SND1: variants seen among roughly 807,000 people sequenced by gnomAD.
SND1 encodes the protein staphylococcal nuclease domain-containing protein 1.
A neutral mutation model predicts 121.7 loss-of-function variants in SND1; 38 were observed. That is an observed-to-expected ratio of 0.31 (90% confidence interval 0.24 to 0.41). The LOEUF is 0.41. Ranked by LOEUF, SND1 falls within the 10% of genes least tolerant of loss-of-function variation. The pLI, the probability that SND1 is intolerant of heterozygous loss-of-function variation, is 1.00. For synonymous variants in SND1, 401 were observed against 447.4 expected, an observed-to-expected ratio of 0.90 and a Z score of 1.31; for missense variants, 868 against 1,184.6, an observed-to-expected ratio of 0.73 and a Z score of 3.92.
intron 10 of SND1, among the ~76,000 whole-genome samples, chr7:127,783,115 C>T (rs1395077736): frequency 6.6e-6 from 1 of 152,132 alleles, no homozygotes; most frequent in African/African-American, 2.4e-5. Context: ...TTATCACATG[C>T]CTTCTGAGGA....
intron 10 of SND1, among the ~76,000 whole-genome samples, chr7:127,738,510 C>T (rs369118811): frequency 3.3e-5 from 5 of 152,124 alleles, no homozygotes; most frequent in East Asian, 3.9e-4. Context: ...AACTCCTGAC[C>T]TCAGGTGATC....
At position 127,936,576 on chromosome 7, in the gene SND1, C is replaced by T. The variant is rs551281619; in HGVS notation, c.1669+7247C>T. ...TTGTTTCTTTTCTTGGAGACAGGGTCTTACTCTGTTGCCCAGGCTACAGTG... is the reference window on the plus strand; with the variant it reads ...TTGTTTCTTTTCTTGGAGACAGGGTTTTACTCTGTTGCCCAGGCTACAGTG... On this transcript the variant is annotated intron_variant, in intron 15 of 23. Transcript: ENST00000354725. Among the ~76,000 whole-genome samples, 3 of 152,216 alleles carry T rather than the reference C, an allele frequency of 2.0e-5. No individual in the cohort carries two copies. The East Asian group carries it at 5.8e-4, about 29-fold the overall frequency.
rs1669794250 is a variant in SND1 at position 128,029,337 on chromosome 7, G to A, written c.1779+38281G>A. The A allele has an allele frequency of 1.2e-6, 2 of 1,614,186 alleles. No homozygotes were observed. Among genetic ancestry groups the A allele is most frequent in the South Asian group, 2.2e-5 (2 of 91,076 alleles). On this transcript the variant is annotated intron_variant, in intron 16 of 23. Coordinates refer to ENST00000354725, the MANE Select transcript of SND1 (RefSeq NM_014390.4). This position sits in a 1 kb window ranked among gnomAD's most constrained non-coding sequence, Gnocchi z 4.2. ...CGTGCTCACATTGAGGTAGGCCGAG[G>A]CGTTGGAGTTGCCTGCAACATTGGT...
chr7:127,708,808 T>C (rs541774346), intron 9 of SND1, among the ~76,000 whole-genome samples: 5 of 152,330 alleles, frequency 3.3e-5, no homozygotes, highest in African/African-American at 9.6e-5. Flanking sequence ...CAAGAGATGC[T>C]AGAAGTTTTG....
chr7:127,944,216 C>A (rs1168290455), intron 15 of SND1, among the ~76,000 whole-genome samples: 1 of 152,208 alleles, frequency 6.6e-6, no homozygotes, highest in Non-Finnish European at 1.5e-5. Context: ...CTGCAGCCAG[C>A]GTGTCTCTAA....
At chr7:127,678,423 G>C (rs974197609) in intron 1 of SND1, among the ~76,000 whole-genome samples, 1 of 152,180 alleles carries the variant, frequency 6.6e-6, no homozygotes, top group Non-Finnish European at 1.5e-5. Flanking sequence ...GCAGCAACTT[G>C]TGCTTGTACC....
intron 10 of SND1, among the ~76,000 whole-genome samples, chr7:127,739,040 C>G (rs138132089): frequency 6.6e-6 from 1 of 152,102 alleles, no homozygotes; most frequent in Non-Finnish European, 1.5e-5. Context: ...TAGCTTGGAG[C>G]GACATTGGCT....
At chr7:127,884,394 G>C (rs902059583) in intron 12 of SND1, among the ~76,000 whole-genome samples, 1 of 152,140 alleles carries the variant, frequency 6.6e-6, no homozygotes, top group African/African-American at 2.4e-5. Flanking sequence ...ATAATAGACT[G>C]ACAGCCCAGC....
Position 127,980,477 on chromosome 7 carries a change from C to A in SND1, c.1670-10470C>A, listed in dbSNP as rs374741214. On this transcript the variant is annotated intron_variant, in intron 15 of 23. Transcript: ENST00000354725. ...AGGACTCTTGCTAAGAGTTTCTCAGCCCAGAGGTTTTTTTTATTCATGCTC... is the reference window on the plus strand; with the variant it reads ...AGGACTCTTGCTAAGAGTTTCTCAGACCAGAGGTTTTTTTTATTCATGCTC... Among the ~76,000 whole-genome samples, 41 of 152,202 alleles carry A rather than the reference C, an allele frequency of 2.7e-4. No homozygotes were observed. The East Asian group carries it at 7.7e-3, about 29-fold the overall frequency.
Position 127,786,885 on chromosome 7 carries a change from G to A in SND1, c.1153-20599G>A, listed in dbSNP as rs578144254. Reference sequence around the variant, plus strand: ...TCTCGATCTCCTAACCTCGTGATCCGCCCATCTCGGCCTCCCAAAGTGCTG... The same window carrying A: ...TCTCGATCTCCTAACCTCGTGATCCACCCATCTCGGCCTCCCAAAGTGCTG... On this transcript the variant is annotated intron_variant, in intron 10 of 23. Coordinates refer to ENST00000354725, the MANE Select transcript of SND1 (RefSeq NM_014390.4). Among the ~76,000 whole-genome samples, 35 of 152,228 alleles carry A rather than the reference G, an allele frequency of 2.3e-4. 1 individual carries two copies. The highest frequency in any genetic ancestry group is 8.3e-4 in the South Asian group (4 of 4,824).
intron 14 of SND1, among the ~76,000 whole-genome samples, chr7:127,924,894 A>G (rs904908171): frequency 7.2e-5 from 11 of 152,232 alleles, no homozygotes; most frequent in African/African-American, 2.2e-4. Flanking sequence ...CTGACAAGCC[A>G]GAAGTCAGGG....
chr7:127,937,752 G>A (rs1191845553), intron 15 of SND1, among the ~76,000 whole-genome samples: 1 of 152,224 alleles, frequency 6.6e-6, no homozygotes, highest in African/African-American at 2.4e-5. Context: ...CTAATGAGAG[G>A]AGGGAAGGGA....
intron 1 of SND1, among the ~76,000 whole-genome samples, chr7:127,655,910 T>C (rs1325605664): frequency 1.3e-5 from 2 of 152,202 alleles, no homozygotes; most frequent in Non-Finnish European, 2.9e-5. Context: ...TCTGTGCTTA[T>C]CAGAAGCAGC....
chr7:128,064,798 A>G (rs2117038451), intron 16 of SND1, among the ~76,000 whole-genome samples: 1 of 152,368 alleles, frequency 6.6e-6, no homozygotes, highest in Middle Eastern at 3.4e-3. Flanking sequence ...AGCAGGGAGA[A>G]AAAGCCAAGA....
chr7:127,977,228 A>C (rs1584710284), intron 15 of SND1, among the ~76,000 whole-genome samples: 1 of 152,250 alleles, frequency 6.6e-6, no homozygotes, highest in Non-Finnish European at 1.5e-5. Context: ...TTCAGTTTGA[A>C]GATTCACTTC....
At chr7:127,829,832 T>G (rs1798707822) in intron 11 of SND1, among the ~76,000 whole-genome samples, 1 of 152,206 alleles carries the variant, frequency 6.6e-6, no homozygotes, top group South Asian at 2.1e-4. Context: ...TACAGAATTT[T>G]TATAGGGATC....
chr7:127,883,488 T>C (rs1022541774), intron 12 of SND1, among the ~76,000 whole-genome samples: 2 of 152,138 alleles, frequency 1.3e-5, no homozygotes, highest in Non-Finnish European at 2.9e-5. Context: ...TATAGAAAAG[T>C]TGCACATAAC....
chr7:128,048,550 G>A (rs1236452367), intron 16 of SND1, among the ~76,000 whole-genome samples: 1 of 152,192 alleles, frequency 6.6e-6, no homozygotes, highest in Admixed American at 6.5e-5. Context: ...ATTGGAAAGA[G>A]TGGGATGAAC....
At chr7:127,873,462 A>C (rs541378727) in intron 12 of SND1, among the ~76,000 whole-genome samples, 10 of 152,120 alleles carry the variant, frequency 6.6e-5, no homozygotes, top group Non-Finnish European at 1.5e-4. Context: ...TGGGTAATAC[A>C]GGGCAAGACC....
Sources: gnomAD v4.1 joint callset for allele counts (sites outside exome capture counted in the v4.1 genomes callset) on GRCh38, gnomAD v4.1.1 for gene constraint, Gnocchi (gnomAD v3.1) non-coding constraint, MANE v1.5 for transcripts, NCBI Gene and HGNC (gene_info 2026-07-23, HGNC 2026-07-21) for gene names.